CCDC144A: variants seen among roughly 807,000 people sequenced by gnomAD.
The protein encoded by CCDC144A is coiled-coil domain-containing protein 144A.
Under a neutral mutation model 143.8 loss-of-function variants are expected in CCDC144A, and 41 were observed. The ratio of observed to expected loss-of-function variants is 0.29; its 90% CI spans 0.22 to 0.37. The LOEUF (loss-of-function observed/expected upper bound fraction) is 0.37. Among genes scored for constraint, CCDC144A ranks in the 10% least tolerant of loss-of-function variants. The pLI is 1.00. For missense variants in CCDC144A, 637 were observed against 1,488.8 expected (o/e 0.43, Z 9.41); for synonymous variants, 242 against 517.9 (o/e 0.47, Z 7.23).
At chr17:16,667,347 A>AGGCTAAGGAG in the CCDC144A span, among the ~76,000 whole-genome samples, 1 of 119,726 alleles carries the variant, frequency 8.4e-6, no homozygotes, top group African/African-American at 3.4e-5. Context: ...GCGGCTGAGG[A>AGGCTAAGGAG]GCTGAGGGGC....
intron 8 of CCDC144A, among the ~76,000 whole-genome samples, chr17:16,724,532 A>G (rs1372296523): frequency 4.8e-5 from 7 of 145,936 alleles, no homozygotes; most frequent in African/African-American, 1.5e-4. Context: ...AAAAAAAAAG[A>G]TTGATTGCAG....
intron 2 of CCDC144A, among the ~76,000 whole-genome samples, chr17:16,696,056 C>A (rs1171954183): frequency 6.6e-6 from 1 of 152,138 alleles, no homozygotes; most frequent in Non-Finnish European, 1.5e-5. Flanking sequence ...ACTCCGTCAC[C>A]CAGGCTGGAG....
chr17:16,675,670 C>T, the CCDC144A span, among the ~76,000 whole-genome samples: 3 of 151,690 alleles, frequency 2.0e-5, no homozygotes. Flanking sequence ...ATTTACCTTC[C>T]ACTAAGTGAT....
At chr17:16,702,558 C>T (rs1488949585) in intron 2 of CCDC144A, among the ~76,000 whole-genome samples, 2 of 151,926 alleles carry the variant, frequency 1.3e-5, no homozygotes, top group African/African-American at 4.8e-5. Context: ...TAACACAGCA[C>T]AGCACCCATA....
chr17:16,738,243 T>C (rs1199529471), intron 12 of CCDC144A, among the ~76,000 whole-genome samples: 2 of 142,958 alleles, frequency 1.4e-5, no homozygotes, highest in African/African-American at 5.3e-5. Context: ...TTAAATATAT[T>C]GTGCTTTTTT....
At chr17:16,695,002 A>G (rs1048879743) in intron 2 of CCDC144A, among the ~76,000 whole-genome samples, 4 of 152,236 alleles carry the variant, frequency 2.6e-5, no homozygotes, top group Non-Finnish European at 5.9e-5. Context: ...TGTGATGCCT[A>G]ATGCATTGGA....
rs1445072994 is a variant in CCDC144A at position 16,775,699 on chromosome 17, T to C, written c.*2066T>C. 1 of 152,240 alleles carries C rather than the reference T, an allele frequency of 6.6e-6. No individual in the cohort carries two copies. Among genetic ancestry groups the C allele is most frequent in the African/African-American group, 2.4e-5 (1 of 41,466 alleles). 9.4% of individuals were successfully genotyped at this position (152,240 alleles called of 1,614,324 possible). A position where few individuals can be genotyped will look rare whatever the true frequency, so the allele number is the denominator to read the frequency against. Reference sequence around the variant, plus strand: ...GGTTCTTAATGCTGTGCAGAAGCTCTTTAGTTTAATTAGATCCCATTTGTC... The same window carrying C: ...GGTTCTTAATGCTGTGCAGAAGCTCCTTAGTTTAATTAGATCCCATTTGTC... On this transcript the variant is annotated 3_prime_UTR_variant, in exon 17 of 17. Coordinates refer to ENST00000399273, the MANE Select transcript of CCDC144A (RefSeq NM_001382000.1).
chr17:16,718,495 G>A (rs535853763), intron 6 of CCDC144A, among the ~76,000 whole-genome samples: 5 of 152,242 alleles, frequency 3.3e-5, no homozygotes, highest in African/African-American at 1.2e-4. Context: ...GTTTATTCAC[G>A]TAGAGTTTTA....
chr17:16,696,162 G>A lies in CCDC144A; in HGVS notation c.415+3113G>A, dbSNP rs544459952. On this transcript the variant is annotated intron_variant, in intron 2 of 16. Coordinates refer to ENST00000399273, the MANE Select transcript of CCDC144A (RefSeq NM_001382000.1). ...CCCAGGTAGCTGGGAATACAGGCGCGAGCCACCATGCCCAGCTGATTTTTG... is the reference window on the plus strand; with the variant it reads ...CCCAGGTAGCTGGGAATACAGGCGCAAGCCACCATGCCCAGCTGATTTTTG... Among the ~76,000 whole-genome samples, 77 of 152,150 alleles carry A rather than the reference G, an allele frequency of 5.1e-4. 1 individual carries two copies. Among genetic ancestry groups the A allele is most frequent in the African/African-American group, 1.7e-3 (72 of 41,528 alleles).
chr17:16,675,314 A>G, the CCDC144A span, among the ~76,000 whole-genome samples: 5 of 151,828 alleles, frequency 3.3e-5, no homozygotes, highest in Admixed American at 6.6e-5. Flanking sequence ...GGACATTAAT[A>G]ACTTGAAAAA....
chr17:16,683,793 G>A, the CCDC144A span: 1 of 1,443,614 alleles, frequency 6.9e-7, no homozygotes, highest in Non-Finnish European at 9.7e-7. Flanking sequence ...ATGAAGCCGA[G>A]CGTGAAGCCG....
At chr17:16,772,754 A>G in intron 16 of CCDC144A, 1 of 1,613,584 alleles carries the variant, frequency 6.2e-7, no homozygotes, top group Non-Finnish European at 8.5e-7. Flanking sequence ...CAGTATCGAG[A>G]CAAAACTGGG....
At chr17:16,746,807 G>A in intron 12 of CCDC144A, 1 of 1,426,162 alleles carries the variant, frequency 7.0e-7, no homozygotes, top group Non-Finnish European at 9.7e-7. Flanking sequence ...GCGTGGACAA[G>A]GAGCTCAAAA....
rs1224539400 is a variant in CCDC144A, at chr17:16,761,419, A to G, written c.3373-6A>G. ...ATTACAAAACTATATTGTTTTACTCATGCAGATTGACCTTACAGAAGCACA... is the reference window on the plus strand; with the variant it reads ...ATTACAAAACTATATTGTTTTACTCGTGCAGATTGACCTTACAGAAGCACA... On this transcript the variant is annotated splice_region_variant and splice_polypyrimidine_tract_variant and intron_variant, in intron 12 of 16. Transcript: ENST00000399273. 4.4e-6 allele frequency: 7 copies of G among 1,590,066 alleles called. No individual in the cohort carries two copies. Among genetic ancestry groups the G allele is most frequent in the South Asian group, 1.1e-5 (1 of 87,796 alleles).
At chr17:16,677,564 G>A in the CCDC144A span, among the ~76,000 whole-genome samples, 1 of 152,176 alleles carries the variant, frequency 6.6e-6, no homozygotes, top group South Asian at 2.1e-4. Context: ...ATGGGATTAG[G>A]CTCAGGCCTG....
At chr17:16,688,544 A>G (rs2142735712), upstream of CCDC144A, among the ~76,000 whole-genome samples, 1 of 130,250 alleles carries the variant, frequency 7.7e-6, no homozygotes, top group Middle Eastern at 5.7e-3. Flanking sequence ...GCTGGAGTAC[A>G]GTGGCATGAT....
At chr17:16,746,716 C>G in intron 12 of CCDC144A, 1 of 1,611,844 alleles carries the variant, frequency 6.2e-7, no homozygotes, top group Non-Finnish European at 8.5e-7. Flanking sequence ...GCTGCTCCTC[C>G]AGCTGCTCCT....
intron 8 of CCDC144A, among the ~76,000 whole-genome samples, chr17:16,726,171 G>A (rs1468675396): frequency 6.6e-6 from 1 of 151,884 alleles, no homozygotes; most frequent in African/African-American, 2.4e-5. Flanking sequence ...GAGGTCAGGA[G>A]ATCGAGACCA....
At chr17:16,770,893 C>T (rs1478102747) in intron 15 of CCDC144A, among the ~76,000 whole-genome samples, 7 of 151,812 alleles carry the variant, frequency 4.6e-5, no homozygotes, top group African/African-American at 1.7e-4. Context: ...GATGGTAATG[C>T]TGTTGTCATG....
Sources: gnomAD v4.1 joint callset for allele counts (sites outside exome capture counted in the v4.1 genomes callset) on GRCh38, gnomAD v4.1.1 for gene constraint, MANE v1.5 for transcripts, NCBI Gene and HGNC (gene_info 2026-07-23, HGNC 2026-07-21) for gene names.